The following NOTCH1 variants were observed in gnomAD, a reference collection of about 807,000 sequenced individuals.
NOTCH1 encodes neurogenic locus notch homolog protein 1.
In NOTCH1, 37 loss-of-function variants were observed where a neutral mutation model predicts 254.8. The ratio of observed to expected loss-of-function variants is 0.15; its 90% CI spans 0.11 to 0.19. The LOEUF is 0.19. NOTCH1 is among the 10% of genes least tolerant of loss of function. NOTCH1 has a pLI of 1.00. For missense variants in NOTCH1, 2,972 were observed against 3,708.6 expected (o/e 0.80, Z 5.16); for synonymous variants, 1,731 against 1,618.1 (o/e 1.07, Z -1.68).
chr9:136,527,578 G>C (rs1451390558), intron 2 of NOTCH1, among the ~76,000 whole-genome samples: 1 of 152,210 alleles, frequency 6.6e-6, no homozygotes, highest in East Asian at 1.9e-4. Flanking sequence ...AGTGAGGCTT[G>C]AGATAGGGAA....
Position 136,516,136 on chromosome 9 carries a change from C to A in NOTCH1, c.1556-42G>T, listed in dbSNP as rs766756018. On this transcript the variant is annotated intron_variant, in intron 9 of 33. Transcript: ENST00000651671. ...GAGGGGAGGGAGTCATGTGCAACAGCACTATGGCCCTTCAGGGACCCCTGG... is the reference window on the plus strand; with the variant it reads ...GAGGGGAGGGAGTCATGTGCAACAGAACTATGGCCCTTCAGGGACCCCTGG... 2.7e-6 allele frequency: 4 copies of A among 1,479,494 alleles called. No homozygotes were observed. In the African/African-American group the frequency reaches 5.5e-5, roughly 20 times the overall value. The allele number at this position is 1,479,494 out of a possible 1,614,324, so 91.6% of individuals were successfully genotyped here.
At chr9:136,524,925 C>T (rs1322635761) in intron 2 of NOTCH1, among the ~76,000 whole-genome samples, 9 of 152,270 alleles carry the variant, frequency 5.9e-5, no homozygotes, top group African/African-American at 1.9e-4. Flanking sequence ...CGTAAGCCAC[C>T]GCGCCCGGCC....
At position 136,517,946 on chromosome 9, in the gene NOTCH1, G is replaced by A. The variant is rs1401233481; in HGVS notation, c.1256-9C>T. The A allele has an allele frequency of 5.6e-6, 9 of 1,607,932 alleles. No homozygotes were observed. The highest frequency in any genetic ancestry group is 7.6e-6 in the Non-Finnish European group (9 of 1,179,846). On this transcript the variant is annotated splice_polypyrimidine_tract_variant and intron_variant, in intron 7 of 33. Transcript: ENST00000651671. Reference sequence around the variant, plus strand: ...CTCGCAGGGGTTGGCACCTGGCGAGGGCACACGGGTGAGAGGCTGCTCCAG... The same window carrying A: ...CTCGCAGGGGTTGGCACCTGGCGAGAGCACACGGGTGAGAGGCTGCTCCAG...
Position 136,504,956 on chromosome 9 carries a change from GCAC to G in NOTCH1, c.4732_4734del (p.Val1578del), listed in dbSNP as rs761020817. ...TTGCGCAGCTGCTCCGGCGGCATCAGCACCACCACCACCAGCGTGCCGGCCGCC... is the reference window on the plus strand; with the variant it reads ...TTGCGCAGCTGCTCCGGCGGCATCAGCACCACCACCAGCGTGCCGGCCGCC... On this transcript the variant is annotated inframe_deletion, in exon 26 of 34. Transcript: ENST00000651671. 8.2e-6 allele frequency: 13 copies of G among 1,588,632 alleles called. No individual in the cohort carries two copies. The highest frequency in any genetic ancestry group is 2.3e-5 in the South Asian group (2 of 87,810).
chr9:136,517,145 G>A lies in NOTCH1; in HGVS notation c.1555+127C>T, dbSNP rs562018184. 6.1e-4 allele frequency: 383 copies of A among 631,792 alleles called. 3 individuals are homozygous for A. The African/African-American group carries it at 6.9e-3, about 11-fold the overall frequency. The allele number at this position is 631,792 out of a possible 1,614,324, so 39.1% of individuals were successfully genotyped here. ...CGGCCCGAGGGCAGGGGGTGGGGGCGGCCCTCACCCCTCAGGAGGCCGGGG... is the reference window on the plus strand; with the variant it reads ...CGGCCCGAGGGCAGGGGGTGGGGGCAGCCCTCACCCCTCAGGAGGCCGGGG... On this transcript the variant is annotated intron_variant, in intron 9 of 33. Coordinates refer to ENST00000651671, the MANE Select transcript of NOTCH1 (RefSeq NM_017617.5).
intron 30 of NOTCH1, 76 bp from the exon 31 acceptor site, chr9:136,500,923 C>A (rs1368852732): frequency 1.3e-6 from 2 of 1,483,292 alleles, no homozygotes; most frequent in African/African-American, 2.8e-5. Flanking sequence ...GGGCAGCAGC[C>A]CCAAGCTCAA....
At chr9:136,511,039 A>G in intron 16 of NOTCH1, 113 bp downstream of exon 16, 3 of 1,529,708 alleles carry the variant, frequency 2.0e-6, no homozygotes, top group South Asian at 1.1e-5. Flanking sequence ...GGGCCTCCTC[A>G]GCACCCACCA....
At chr9:136,535,990 TG>T (rs1161872482) in intron 2 of NOTCH1, among the ~76,000 whole-genome samples, 7 of 14,866 alleles carry the variant, frequency 4.7e-4, no homozygotes, top group Non-Finnish European at 9.4e-4. Flanking sequence ...GCATGGTGGG[TG>T]GGGGGGAGCA....
intron 2 of NOTCH1, among the ~76,000 whole-genome samples, chr9:136,528,285 G>C (rs1447066155): frequency 7.1e-6 from 1 of 141,058 alleles, no homozygotes; most frequent in Non-Finnish European, 1.5e-5. Flanking sequence ...CAGTGATGTG[G>C]CTGGCTCTGC....
At chr9:136,522,213 G>A (rs977242089) in intron 4 of NOTCH1, among the ~76,000 whole-genome samples, 1 of 152,148 alleles carries the variant, frequency 6.6e-6, no homozygotes, top group Non-Finnish European at 1.5e-5. Context: ...TCCTGACCTT[G>A]TGATCTGCCC....
chr9:136,507,886 C>T (rs1420843507), intron 21 of NOTCH1, 69 bp downstream of exon 21: 2 of 1,542,136 alleles, frequency 1.3e-6, no homozygotes, highest in South Asian at 1.1e-5. Context: ...TGGGCCAGCT[C>T]CCAGCCAGGG....
chr9:136,495,004 C>G lies in NOTCH1; in HGVS notation c.*1067G>C. The stretch of plus-strand genomic sequence containing the variant: ...ACGGCGTTGCACAGCTCAATGTGCC[C>G]GGCTCTGGCAAGTCTCCTACAAAAC... On this transcript the variant is annotated 3_prime_UTR_variant, in exon 34 of 34. Transcript: ENST00000651671. 1 of 398,870 alleles carries G rather than the reference C, an allele frequency of 2.5e-6. No homozygotes were observed. The highest frequency in any genetic ancestry group is 4.4e-6 in the Non-Finnish European group (1 of 226,030). The allele number at this position is 398,870 out of a possible 1,614,324, so 24.7% of individuals were successfully genotyped here.
chr9:136,501,907 C>T lies in NOTCH1; in HGVS notation c.5479G>A (p.Glu1827Lys), dbSNP rs1459805992. 12 of 1,611,568 alleles carry T rather than the reference C, an allele frequency of 7.4e-6. No homozygotes were observed. Among genetic ancestry groups the T allele is most frequent in the Admixed American group, 1.7e-5 (1 of 59,998 alleles). ...DLETKKFRFE[E>K]PVVLPDLDDQ... Reference sequence around the variant, plus strand: ...TCCAGGTCAGGCAGAACCACGGGCTCCTCGAACTACATAGAGGGAGTGAGC... The same window carrying T: ...TCCAGGTCAGGCAGAACCACGGGCTTCTCGAACTACATAGAGGGAGTGAGC... The change falls in exon 30 of 34, where the codon GAG (glutamate) becomes AAG (lysine). Residue 1827 changes from glutamate to lysine, a missense_variant. Physicochemically the swap from Glu to Lys is moderately conservative, Grantham distance 56 (BLOSUM62 1). Transcript: ENST00000651671.
At chr9:136,522,792 C>T (rs968521092) in intron 4 of NOTCH1, 58 bp downstream of exon 4, 1 of 1,423,352 alleles carries the variant, frequency 7.0e-7, no homozygotes, top group Non-Finnish European at 9.2e-7. Context: ...CCGTTCCCAC[C>T]CCCTGGGCCT....
rs2133317857 is a variant in NOTCH1, at chr9:136,497,150, G to A, written c.6589C>T (p.Leu2197Phe). 6.2e-7 allele frequency: 1 copy of A among 1,612,736 alleles called. No individual in the cohort carries two copies. Residue 2197 changes from leucine (L) to phenylalanine (F), a missense_variant, in exon 34 of 34, where the codon CTC (leucine) becomes TTC (phenylalanine). By Grantham distance (22) the Leu-to-Phe change is conservative (BLOSUM62 0). Transcript: ENST00000651671. ...GACTCCAGGGAGTCCACGGGCGAGAGCATGCCGGAGCTGTCCAGCAGGCAG... is the reference window on the plus strand; with the variant it reads ...GACTCCAGGGAGTCCACGGGCGAGAACATGCCGGAGCTGTCCAGCAGGCAG... ...KGCLLDSSGM[L>F]SPVDSLESPH...
At position 136,495,461 on chromosome 9, in the gene NOTCH1, T is replaced by A; in HGVS notation, c.*610A>T. 2.5e-6 allele frequency: 1 copy of A among 399,558 alleles called. No homozygotes were observed. Among genetic ancestry groups the A allele is most frequent in the Non-Finnish European group, 4.4e-6 (1 of 226,648 alleles). The allele number at this position is 399,558 out of a possible 1,614,324, so 24.8% of individuals were successfully genotyped here. The stretch of plus-strand genomic sequence containing the variant: ...AACACATGGCAACATCTAACCCATA[T>A]GCTTTCACTTGTTTCCTATTTCAGA... On this transcript the variant is annotated 3_prime_UTR_variant, in exon 34 of 34. Coordinates refer to ENST00000651671, the MANE Select transcript of NOTCH1 (RefSeq NM_017617.5).
In NOTCH1 at chr9:136,500,837, G is replaced by A. The variant is rs1297335763; in HGVS notation, c.5649C>T (p.Thr1883=). 6.3e-7 allele frequency: 1 copy of A among 1,594,746 alleles called. No homozygotes were observed. ...CGCTGCAGGAGGCGATCATGAGCGG[G>A]GTGAAGCCATCTGCAGAGGCAGAGA... ...DVNVRGPDGF[T]PLMIASCSGG... The change falls in exon 31 of 34, where the codon ACC becomes ACT. Residue 1883 remains threonine, a synonymous_variant. Coordinates refer to ENST00000651671, the MANE Select transcript of NOTCH1 (RefSeq NM_017617.5).
intron 30 of NOTCH1, among the ~76,000 whole-genome samples, chr9:136,501,166 G>A (rs1842989026): frequency 6.6e-6 from 1 of 152,250 alleles, no homozygotes; most frequent in Non-Finnish European, 1.5e-5. Context: ...AGGATGCGGA[G>A]GCTCACGCTG....
chr9:136,511,752 C>T (rs998520793), intron 15 of NOTCH1, among the ~76,000 whole-genome samples: 4 of 152,246 alleles, frequency 2.6e-5, no homozygotes, highest in African/African-American at 7.2e-5. Flanking sequence ...ACGCCCATCA[C>T]GGGAGGCCAA....
Sources: gnomAD v4.1 joint callset for allele counts (sites outside exome capture counted in the v4.1 genomes callset) on GRCh38, gnomAD v4.1.1 for gene constraint, MANE v1.5 for transcripts, NCBI Gene and HGNC (gene_info 2026-07-23, HGNC 2026-07-21) for gene names.